Variants in C1R observed in about 807,000 individuals in gnomAD.
The protein encoded by C1R is complement C1r subcomponent.
In C1R, 15 loss-of-function variants were observed where a neutral mutation model predicts 27.6. That is an observed-to-expected ratio of 0.54 (90% CI 0.36 to 0.84). The LOEUF (loss-of-function observed/expected upper bound fraction) is 0.84, where lower values mean the gene tolerates loss of function less well. Among genes scored for constraint, C1R ranks in the 40% least tolerant of loss-of-function variants. The pLI is 0.01. For synonymous variants in C1R, 253 were observed against 228.8 expected (o/e 1.11, Z -0.95); for missense variants, 544 against 577.9 (o/e 0.94, Z 0.60).
Position 7,080,671 on chromosome 12 carries a change from A to T in C1R, c.1979T>A (p.Val660Glu). The T allele has an allele frequency of 1.2e-6, 2 of 1,613,874 alleles. No homozygotes were observed. Among genetic ancestry groups the T allele is most frequent in the Non-Finnish European group, 1.7e-6 (2 of 1,179,858 alleles). The change falls in exon 11 of 11, where the codon GTA (valine) becomes GAA (glutamate). Residue 660 changes from valine (V) to glutamate (E), a missense_variant. By Grantham distance (121) the Val-to-Glu change is moderately radical. This residue lies in a region of C1R where 253 missense variants were observed against 368.9 expected (regional missense o/e 0.69). Coordinates refer to ENST00000647956, the MANE Select transcript of C1R (RefSeq NM_001733.7). The surrounding 1 kb of genome is among the most constrained non-coding windows in gnomAD (Gnocchi z 4.9). Reference protein sequence around the residue: ...CQGDSGGVFAVRDPNTDRWVA... With the variant: ...CQGDSGGVFAERDPNTDRWVA... Reference sequence around the variant, plus strand: ...CCAGCGATCAGTGTTCGGGTCCCTTACTGCAAAAACGCCCCCACTATCCCC... The same window carrying T: ...CCAGCGATCAGTGTTCGGGTCCCTTTCTGCAAAAACGCCCCCACTATCCCC...
At position 7,080,469 on chromosome 12, in the gene C1R, A is replaced by G; in HGVS notation, c.*63T>C. On this transcript the variant is annotated 3_prime_UTR_variant, in exon 11 of 11. Coordinates refer to ENST00000647956, the MANE Select transcript of C1R (RefSeq NM_001733.7). This position sits in a 1 kb window ranked among gnomAD's most constrained non-coding sequence, Gnocchi z 4.9. ...TCTTAGTGGTTATCAACAACTGGTC[A>G]GTTGTTTTTTGTTTTTTTTTTTCCA... is the stretch of plus-strand genomic sequence containing the variant. 2.7e-6 allele frequency: 4 copies of G among 1,509,160 alleles called. No individual in the cohort carries two copies. The highest frequency in any genetic ancestry group is 3.5e-6 in the Non-Finnish European group (4 of 1,130,704). 93.5% of individuals were successfully genotyped at this position (1,509,160 alleles called of 1,614,324 possible).
Position 7,080,356 on chromosome 12 carries a change from G to A in C1R, c.*176C>T. ...CTCAGAAGAAAGAAAGGGGCCCTTT[G>A]GGTTGTTTCAGGTAAAGTACATCAA... On this transcript the variant is annotated 3_prime_UTR_variant, in exon 11 of 11. Transcript: ENST00000647956. This position sits in a 1 kb window ranked among gnomAD's most constrained non-coding sequence, Gnocchi z 4.9. The A allele has an allele frequency of 7.4e-7, 1 of 1,343,046 alleles. No individual in the cohort carries two copies. Among genetic ancestry groups the A allele is most frequent in the Non-Finnish European group, 9.5e-7 (1 of 1,051,850 alleles). The allele number at this position is 1,343,046 out of a possible 1,614,324, so 83.2% of individuals were successfully genotyped here.
Position 7,090,242 on chromosome 12 carries a change from C to G in C1R, c.238G>C (p.Ala80Pro). 1.4e-6 allele frequency: 1 copy of G among 731,154 alleles called. No individual in the cohort carries two copies. Among genetic ancestry groups the G allele is most frequent in the Non-Finnish European group, 2.6e-6 (1 of 391,182 alleles). 45.3% of individuals were successfully genotyped at this position (731,154 alleles called of 1,614,324 possible). The change falls in exon 3 of 11, where the codon GCT (alanine) becomes CCT (proline). Residue 80 changes from alanine (A) to proline (P), a missense_variant. Around this residue, in one of 2 missense-constraint regions of C1R, gnomAD observed 291 missense variants for 209.0 expected, o/e 1.39. Coordinates refer to ENST00000647956, the MANE Select transcript of C1R (RefSeq NM_001733.7). ...AACCTCCCCAGGCTTTTCTTATCAG[C>G]AGAGATCTGGTGGAAGAAGGACAGG... ...GCFYDYVKIS[A>P]DKKSLGRFCG... is the part of the protein sequence containing the mutation.
Position 7,080,697 on chromosome 12 carries a change from C to G in C1R, c.1953G>C (p.Gln651His). 6.2e-7 allele frequency: 1 copy of G among 1,614,020 alleles called. No individual in the cohort carries two copies. Among genetic ancestry groups the G allele is most frequent in the Non-Finnish European group, 8.5e-7 (1 of 1,179,898 alleles). ...CTGCAAAAACGCCCCCACTATCCCCCTGGCAGGCGTCCTGCTTTAGAGATG... is the reference window on the plus strand; with the variant it reads ...CTGCAAAAACGCCCCCACTATCCCCGTGGCAGGCGTCCTGCTTTAGAGATG... The part of the protein sequence containing the change: ...GHPSLKQDAC[Q>H]GDSGGVFAVR... The change falls in exon 11 of 11, where the codon CAG becomes CAC. Residue 651 changes from glutamine (Q) to histidine (H), a missense_variant. Coordinates refer to ENST00000647956, the MANE Select transcript of C1R (RefSeq NM_001733.7). This position sits in a 1 kb window ranked among gnomAD's most constrained non-coding sequence, Gnocchi z 4.9.
chr12:7,081,358 C>T, intron 10 of C1R, 57 bp from the exon 11 acceptor site: 1 of 1,493,656 alleles, frequency 6.7e-7, no homozygotes, highest in South Asian at 1.2e-5. Context: ...ACATCTCTTC[C>T]TTCTGCAGCC....
At chr12:7,083,423 G>A (rs1938101158) in intron 9 of C1R, among the ~76,000 whole-genome samples, 1 of 152,136 alleles carries the variant, frequency 6.6e-6, no homozygotes, top group Non-Finnish European at 1.5e-5. Flanking sequence ...GATAATGGTA[G>A]TGATGATGGT....
intron 7 of C1R, chr12:7,088,304 C>G (rs1415251111): frequency 1.6e-5 from 10 of 609,200 alleles, no homozygotes; most frequent in Non-Finnish European, 1.5e-5. Context: ...CTGTTGGGGG[C>G]CCTCATCTTC....
intron 7 of C1R, chr12:7,088,377 G>A: frequency 2.9e-6 from 2 of 699,556 alleles, no homozygotes; most frequent in Non-Finnish European, 5.2e-6. Flanking sequence ...TCAGGCTGGA[G>A]TGCAGTGGCT....
chr12:7,088,481 C>G (rs1477679336), intron 7 of C1R, 129 bp downstream of exon 7: 1 of 714,198 alleles, frequency 1.4e-6, no homozygotes, highest in South Asian at 1.5e-5. Context: ...AGCTGGTGGA[C>G]CAGGAGACTC....
Position 7,089,450 on chromosome 12 carries a change from T to C in C1R, c.611A>G (p.Tyr204Cys), listed in dbSNP as rs200735593. Residue 204 changes from tyrosine to cysteine, a missense_variant, in exon 5 of 11, where the codon TAC becomes TGC. Transcript: ENST00000647956. ...CCGAGGGTACTCCAGGCTGGAGATG[T>C]AGCCTGATGCCTCCGTGTACAGCTC... ...SSELYTEASG[Y>C]ISSLEYPRSY... is the part of the protein sequence containing the mutation. 65 of 778,314 alleles carry C rather than the reference T, an allele frequency of 8.4e-5. No individual in the cohort carries two copies. In the African/African-American group the frequency reaches 1.0e-3, roughly 12 times the overall value. 48.2% of individuals were successfully genotyped at this position (778,314 alleles called of 1,614,324 possible).
Position 7,090,087 on chromosome 12 carries a change from G to A in C1R, c.393C>T (p.Tyr131=), listed in dbSNP as rs1356844263. The A allele has an allele frequency of 7.7e-6, 6 of 777,674 alleles. No individual in the cohort carries two copies. Among genetic ancestry groups the A allele is most frequent in the Non-Finnish European group, 1.4e-5 (6 of 416,588 alleles). 48.2% of individuals were successfully genotyped at this position (777,674 alleles called of 1,614,324 possible). ...SNEENGTIMF[Y]KGFLAYYQAV... ...CTTGGTAGTAGGCCAGGAAGCCCTT[G>A]TAGAACATGATGGTCCCATTCTCCT... Residue 131 remains tyrosine, a synonymous_variant, in exon 3 of 11, where the codon TAC becomes TAT. Coordinates refer to ENST00000647956, the MANE Select transcript of C1R (RefSeq NM_001733.7).
rs376041687 is a variant in C1R, at chr12:7,090,199, G to C, written c.281C>G (p.Ser94Cys). The change falls in exon 3 of 11, where the codon TCT becomes TGT. Residue 94 changes from serine to cysteine, a missense_variant. By Grantham distance (112) the Ser-to-Cys change is moderately radical. Around this residue, in one of 2 missense-constraint regions of C1R, gnomAD observed 291 missense variants for 209.0 expected, o/e 1.39. Coordinates refer to ENST00000647956, the MANE Select transcript of C1R (RefSeq NM_001733.7). Reference sequence around the variant, plus strand: ...CTTTCCCGGGGGGTTGCCCAGTGGAGAACCCAGTTGCCCACAGAACCTCCC... The same window carrying C: ...CTTTCCCGGGGGGTTGCCCAGTGGACAACCCAGTTGCCCACAGAACCTCCC... ...SLGRFCGQLGSPLGNPPGKKE... is the reference protein window; with the variant it reads ...SLGRFCGQLGCPLGNPPGKKE... The C allele has an allele frequency of 3.6e-5, 27 of 749,074 alleles. No individual in the cohort carries two copies. The highest frequency in any genetic ancestry group is 6.2e-5 in the Non-Finnish European group (25 of 401,058). The allele number at this position is 749,074 out of a possible 1,614,324, so 46.4% of individuals were successfully genotyped here. A position where few individuals can be genotyped will look rare whatever the true frequency, so the allele number is the denominator to read the frequency against.
intron 9 of C1R, among the ~76,000 whole-genome samples, chr12:7,085,214 G>GGTAATGCTGGTGC (rs1938130968): frequency 6.6e-6 from 1 of 150,754 alleles, no homozygotes; most frequent in African/African-American, 2.5e-5. Context: ...AATGCTGGTG[G>GGTAATGCTGGTGC]TGATAATGGT....
Position 7,082,104 on chromosome 12 carries a change from C to T in C1R, c.1276G>A (p.Val426Met), listed in dbSNP as rs1036994049. ...RAGSRESEQGVYTCTAQGIWK... is the reference protein window; with the variant it reads ...RAGSRESEQGMYTCTAQGIWK... ...ATGCCCTGTGCTGTGCAGGTGTACA[C>T]CCCTGAGGGCAGAGGAGGCAAGAAT... Residue 426 changes from valine (V) to methionine (M), a missense_variant and splice_region_variant, in exon 10 of 11, where the codon GTG (valine) becomes ATG (methionine). Coordinates refer to ENST00000647956, the MANE Select transcript of C1R (RefSeq NM_001733.7). The T allele has an allele frequency of 4.6e-6, 7 of 1,506,342 alleles. No individual in the cohort carries two copies. The African/African-American group carries it at 9.7e-5, about 21-fold the overall frequency. The allele number at this position is 1,506,342 out of a possible 1,614,324, so 93.3% of individuals were successfully genotyped here.
intron 4 of C1R, 36 bp downstream of exon 4, chr12:7,089,551 C>T (rs1938223043): frequency 1.3e-6 from 1 of 780,728 alleles, no homozygotes; most frequent in Non-Finnish European, 2.4e-6. Context: ...AGCCCTGGCT[C>T]AACCCCTTCC....
Position 7,080,527 on chromosome 12 carries a change from T to C in C1R, c.*5A>G. 6.5e-7 allele frequency: 1 copy of C among 1,542,902 alleles called. No individual in the cohort carries two copies. The highest frequency in any genetic ancestry group is 8.7e-7 in the Non-Finnish European group (1 of 1,144,952). ...CTCTGGATTCGAACCTAGTGAATTC[T>C]GGGCTCAGTCCTCCTCCTCCATCTC... On this transcript the variant is annotated 3_prime_UTR_variant, in exon 11 of 11. Transcript: ENST00000647956. This position sits in a 1 kb window ranked among gnomAD's most constrained non-coding sequence, Gnocchi z 4.9.
At position 7,082,881 on chromosome 12, in the gene C1R, A is replaced by C; in HGVS notation, c.1274-775T>G. On this transcript the variant is annotated intron_variant, in intron 9 of 10. Transcript: ENST00000647956. The stretch of plus-strand genomic sequence containing the variant: ...GTGTGTTATTATCCTCATTTTGTGG[A>C]TGAGGAAACTGAGTTTAAATAATTT... Among the ~76,000 whole-genome samples the C allele has an allele frequency of 1.3e-5, 2 of 152,150 alleles. 1 individual carries two copies. Among genetic ancestry groups the C allele is most frequent in the East Asian group, 3.8e-4 (2 of 5,198 alleles).
Position 7,081,957 on chromosome 12 carries a change from T to C in C1R, c.1348+75A>G, listed in dbSNP as rs1341041152. On this transcript the variant is annotated intron_variant, in intron 10 of 10. Transcript: ENST00000647956. ...CCTCTTCTCTCCTCTCTCTCCTTTT[T>C]CTGGGCCACACTGCTTTTGAGGCCC... 5 of 1,255,622 alleles carry C rather than the reference T, an allele frequency of 4.0e-6. No homozygotes were observed. In the African/African-American group the frequency reaches 7.4e-5, roughly 19 times the overall value. 77.8% of individuals were successfully genotyped at this position (1,255,622 alleles called of 1,614,324 possible). A position where few individuals can be genotyped will look rare whatever the true frequency, so the allele number is the denominator to read the frequency against.
Position 7,091,730 on chromosome 12 carries a change from G to T in C1R, c.3-50C>A. 1.4e-6 allele frequency: 1 copy of T among 718,194 alleles called. No individual in the cohort carries two copies. Among genetic ancestry groups the T allele is most frequent in the Non-Finnish European group, 2.6e-6 (1 of 385,212 alleles). 44.5% of individuals were successfully genotyped at this position (718,194 alleles called of 1,614,324 possible). ...GGAGCTGGAGGGGTTCAGCACTCTT[G>T]CCATGTGGGCAGTGGCTGTGGCAGG... On this transcript the variant is annotated intron_variant, in intron 1 of 10. Coordinates refer to ENST00000647956, the MANE Select transcript of C1R (RefSeq NM_001733.7). This position sits in a 1 kb window ranked among gnomAD's most constrained non-coding sequence, Gnocchi z 5.1.
Sources: allele counts gnomAD v4.1 joint callset (sites outside exome capture counted in the v4.1 genomes callset), GRCh38; gene constraint gnomAD v4.1.1; regional missense constraint gnomAD v4.1.1; non-coding constraint Gnocchi (gnomAD v3.1); transcripts MANE v1.5; gene names NCBI Gene and HGNC (gene_info 2026-07-23, HGNC 2026-07-21).